Variants in SNX29 observed in about 807,000 individuals in gnomAD.
SNX29 encodes sorting nexin 29, also known as sorting nexin-29.
A neutral mutation model predicts 102.1 loss-of-function variants in SNX29; 78 were observed. That is an observed-to-expected ratio of 0.76 (90% CI 0.64 to 0.92). The LOEUF is 0.92. SNX29 is among the 40% of genes least tolerant of loss of function. The pLI is 0.00. For synonymous variants in SNX29, 580 were observed against 414.5 expected (o/e 1.40, Z -4.85); for missense variants, 1,280 against 1,061.7 (o/e 1.21, Z -2.86).
chr16:12,089,263 C>G (rs373525764), intron 11 of SNX29, among the ~76,000 whole-genome samples: 1 of 151,580 alleles, frequency 6.6e-6, no homozygotes, highest in African/African-American at 2.4e-5. Context: ...CCTAGGAGGT[C>G]GAGGCTTTAG....
chr16:12,559,426 C>G (rs2162796), intron 20 of SNX29, among the ~76,000 whole-genome samples: 31,210 of 151,008 alleles, frequency 0.21, 3,384 homozygotes, highest in East Asian at 0.43. Context: ...TGCAGGAAAA[C>G]AAGCTCAGGG....
At chr16:12,298,729 TG>T (rs1340101491) in intron 15 of SNX29, among the ~76,000 whole-genome samples, 1 of 152,178 alleles carries the variant, frequency 6.6e-6, no homozygotes, top group African/African-American at 2.4e-5. Context: ...GGACCCTTGC[TG>T]TCTCTCACCG....
At chr16:12,500,465 C>T (rs1399831108) in intron 19 of SNX29, among the ~76,000 whole-genome samples, 1 of 152,192 alleles carries the variant, frequency 6.6e-6, no homozygotes, top group African/African-American at 2.4e-5. Context: ...CTCTCTGTAA[C>T]CTCCACGGGC....
intron 13 of SNX29, among the ~76,000 whole-genome samples, chr16:12,155,882 C>G (rs1239931311): frequency 1.3e-5 from 2 of 152,214 alleles, no homozygotes; most frequent in Admixed American, 6.5e-5. Context: ...CATGAGATCA[C>G]TCCTCTGCTC....
intron 13 of SNX29, among the ~76,000 whole-genome samples, chr16:12,197,530 T>C (rs2076807630): frequency 6.6e-6 from 1 of 152,160 alleles, no homozygotes; most frequent in African/African-American, 2.4e-5. Flanking sequence ...GAGATCATGC[T>C]ACTGCACTCC....
At position 12,361,695 on chromosome 16, in the gene SNX29, A is replaced by T. The variant is rs929217571; in HGVS notation, c.1899+5416A>T. Among the ~76,000 whole-genome samples, 10 of 152,268 alleles carry T rather than the reference A, an allele frequency of 6.6e-5. No individual in the cohort carries two copies. The Middle Eastern group carries it at 0.014, about 207-fold the overall frequency. On this transcript the variant is annotated intron_variant, in intron 16 of 20. Transcript: ENST00000566228. ...GGTTTTTTAAATTTATTTTTTTCTT[A>T]AACTTTTTTTCATATTATACAATAT...
chr16:12,261,008 G>A (rs1450513393), intron 14 of SNX29, among the ~76,000 whole-genome samples: 31 of 141,852 alleles, frequency 2.2e-4, no homozygotes, highest in Non-Finnish European at 4.6e-4. Context: ...TGTTGAGCTC[G>A]GGTCTGTGCA....
At position 12,569,634 on chromosome 16, in the gene SNX29, TA is replaced by T. The variant is rs879864489; in HGVS notation, c.*1007del. The T allele has an allele frequency of 7.2e-4, 123 of 170,188 alleles. No individual in the cohort carries two copies. Among genetic ancestry groups the T allele is most frequent in the Middle Eastern group, 1.6e-3 (1 of 628 alleles). The allele number at this position is 170,188 out of a possible 1,614,324, so 10.5% of individuals were successfully genotyped here. On this transcript the variant is annotated 3_prime_UTR_variant, in exon 21 of 21. Transcript: ENST00000566228. ...CTTGATAACAGAACTCTGCATCCCC[TA>T]AGACAGAGTCCTCTGTTCCTCCCAT...
intron 15 of SNX29, among the ~76,000 whole-genome samples, chr16:12,296,148 T>TAAAAA (rs2079973184): frequency 6.6e-6 from 1 of 152,242 alleles, no homozygotes; most frequent in Non-Finnish European, 1.5e-5. Context: ...CCCCTTCCTG[T>TAAAAA]GCTCTGGCTC....
At chr16:12,430,753 A>G (rs887294704) in intron 18 of SNX29, among the ~76,000 whole-genome samples, 5 of 152,098 alleles carry the variant, frequency 3.3e-5, no homozygotes, top group African/African-American at 1.2e-4. Context: ...AGCGGGCTGT[A>G]GAGAAGCTGC....
intron 14 of SNX29, among the ~76,000 whole-genome samples, chr16:12,203,900 T>A (rs2076980330): frequency 6.6e-6 from 1 of 152,190 alleles, no homozygotes; most frequent in African/African-American, 2.4e-5. Context: ...TGAACATCTG[T>A]GTCCTCTGTA....
intron 14 of SNX29, among the ~76,000 whole-genome samples, chr16:12,244,167 G>T (rs1030910274): frequency 5.9e-5 from 9 of 152,130 alleles, no homozygotes; most frequent in Admixed American, 3.3e-4. Flanking sequence ...TCACTCACCC[G>T]CCACTCAACT....
intron 15 of SNX29, among the ~76,000 whole-genome samples, chr16:12,328,622 T>G (rs1211374398): frequency 6.6e-6 from 1 of 152,208 alleles, no homozygotes; most frequent in Non-Finnish European, 1.5e-5. Context: ...TCAGCTCCAC[T>G]GTCTTACCAC....
rs139955703 is a variant in SNX29, at chr16:12,152,877, G to A, written c.1595+23119G>A. Among the ~76,000 whole-genome samples the A allele has an allele frequency of 2.8e-4, 43 of 152,330 alleles. No individual in the cohort carries two copies. In the East Asian group the frequency reaches 6.9e-3, roughly 25 times the overall value. On this transcript the variant is annotated intron_variant, in intron 13 of 20. Transcript: ENST00000566228. ...TGAGCAAGGTCCTTTTGTGTTCTCA[G>A]TTCACAAGAGGGTGACAGGCTAAGA...
At chr16:12,488,602 G>A (rs1039135745) in intron 19 of SNX29, among the ~76,000 whole-genome samples, 6 of 152,116 alleles carry the variant, frequency 3.9e-5, no homozygotes, top group African/African-American at 7.2e-5. Context: ...GTGTAGCACC[G>A]GCTTTGCTGG....
chr16:12,260,397 C>T (rs1006057787), intron 14 of SNX29, among the ~76,000 whole-genome samples: 4 of 152,190 alleles, frequency 2.6e-5, no homozygotes, highest in East Asian at 1.9e-4. Flanking sequence ...ATCTGTTGTG[C>T]GCCTGGTGCT....
chr16:12,469,872 T>C (rs192810705), intron 18 of SNX29, among the ~76,000 whole-genome samples: 87 of 152,238 alleles, frequency 5.7e-4, no homozygotes, highest in African/African-American at 2.0e-3. Context: ...TAACCAGGCA[T>C]GGTGGCTTGT....
chr16:12,466,314 C>G (rs1255308968), intron 18 of SNX29, among the ~76,000 whole-genome samples: 3 of 152,198 alleles, frequency 2.0e-5, no homozygotes, highest in Non-Finnish European at 4.4e-5. Context: ...GTAAAGTTGT[C>G]AGATACAAAG....
rs184764347 is a variant in SNX29, at chr16:12,330,224, G to C, written c.1783-25939G>C. On this transcript the variant is annotated intron_variant, in intron 15 of 20. Transcript: ENST00000566228. ...GAAATGGTGGTCCCCTTGTGGCCTT[G>C]AGTAAACGACTTAACCTCTCTGTGC... is the stretch of plus-strand genomic sequence containing the variant. 2.0e-5 allele frequency among the ~76,000 whole-genome samples: 3 copies of C among 152,288 alleles called. No individual in the cohort carries two copies. The East Asian group carries it at 5.8e-4, about 29-fold the overall frequency.
Sources: allele counts gnomAD v4.1 joint callset (sites outside exome capture counted in the v4.1 genomes callset), GRCh38; gene constraint gnomAD v4.1.1; transcripts MANE v1.5; gene names NCBI Gene and HGNC (gene_info 2026-07-23, HGNC 2026-07-21).